The following CELF2 variants were observed in gnomAD, a reference collection of about 807,000 sequenced individuals.
CELF2 encodes the protein CUG triplet repeat RNA-binding protein 2.
Under a neutral mutation model 62.6 loss-of-function variants are expected in CELF2, and 8 were observed. The observed-to-expected ratio is 0.13, with a 90% CI of 0.07 to 0.23. The LOEUF (loss-of-function observed/expected upper bound fraction) is 0.23, where lower values mean the gene tolerates loss of function less well. Among genes scored for constraint, CELF2 ranks in the 10% least tolerant of loss-of-function variants. The pLI, the probability that CELF2 is intolerant of heterozygous loss-of-function variation, is 1.00. For synonymous variants in CELF2, 258 were observed against 250.0 expected, an observed-to-expected ratio of 1.03 and a Z score of -0.30; for missense variants, 333 against 671.0, an observed-to-expected ratio of 0.50 and a Z score of 5.56.
chr10:11,232,392 C>CT (rs1417234629), intron 3 of CELF2, among the ~76,000 whole-genome samples: 1 of 152,176 alleles, frequency 6.6e-6, no homozygotes, highest in Non-Finnish European at 1.5e-5. Context: ...AACTTTGTCT[C>CT]TGAGTCAGAT....
the CELF2 span, among the ~76,000 whole-genome samples, chr10:10,637,023 A>G: frequency 6.6e-6 from 1 of 152,192 alleles, no homozygotes; most frequent in South Asian, 2.1e-4. Flanking sequence ...TTTAGATTTC[A>G]TGGTAATTAT....
chr10:11,044,835 A>T (rs2062527085), intron 1 of CELF2, among the ~76,000 whole-genome samples: 1 of 152,212 alleles, frequency 6.6e-6, no homozygotes, highest in African/African-American at 2.4e-5. Context: ...ATCTTATCTA[A>T]AACATGATAC....
chr10:11,287,248 A>G (rs760414894), intron 8 of CELF2, among the ~76,000 whole-genome samples: 8 of 152,202 alleles, frequency 5.3e-5, no homozygotes, highest in South Asian at 2.1e-4. Context: ...CCATCTTTCT[A>G]TCTTCAGTTC....
the CELF2 span, among the ~76,000 whole-genome samples, chr10:10,606,460 C>T: frequency 6.6e-6 from 1 of 152,044 alleles, no homozygotes; most frequent in East Asian, 1.9e-4. Context: ...TAGTCGAGGA[C>T]TAGCTTTAAA....
chr10:10,541,542 C>T, the CELF2 span, among the ~76,000 whole-genome samples: 9 of 152,116 alleles, frequency 5.9e-5, no homozygotes, highest in African/African-American at 2.2e-4. Context: ...ATAAGTTTTC[C>T]AGGAAAGGGG....
intron 2 of CELF2, among the ~76,000 whole-genome samples, chr10:10,950,238 C>T (rs75717788): frequency 6.6e-6 from 1 of 152,068 alleles, no homozygotes; most frequent in Non-Finnish European, 1.5e-5. Flanking sequence ...TTGCTAGAAC[C>T]CCAGAGGTCA....
At chr10:10,607,959 T>C in the CELF2 span, among the ~76,000 whole-genome samples, 13 of 151,862 alleles carry the variant, frequency 8.6e-5, no homozygotes, top group Admixed American at 6.6e-4. Context: ...AAACTCTGTC[T>C]CTTCTAAAAC....
the CELF2 span, among the ~76,000 whole-genome samples, chr10:10,662,623 C>A: frequency 2.0e-5 from 3 of 152,098 alleles, no homozygotes; most frequent in Admixed American, 6.5e-5. Context: ...GTAAAAGTGA[C>A]CCCCTTCTCC....
At chr10:10,905,030 A>G (rs906645250) in intron 1 of CELF2, among the ~76,000 whole-genome samples, 1 of 152,148 alleles carries the variant, frequency 6.6e-6, no homozygotes, top group Non-Finnish European at 1.5e-5. Flanking sequence ...GCTTGTTTCA[A>G]CTGTTCACAT....
intron 1 of CELF2, among the ~76,000 whole-genome samples, chr10:10,907,372 G>A (rs972639861): frequency 1.3e-5 from 2 of 152,094 alleles, no homozygotes; most frequent in African/African-American, 4.8e-5. Flanking sequence ...GACGTTATAA[G>A]GATGTATAAT....
the CELF2 span, among the ~76,000 whole-genome samples, chr10:10,687,206 TGGA>T: frequency 6.6e-6 from 1 of 152,228 alleles, no homozygotes; most frequent in Non-Finnish European, 1.5e-5. Flanking sequence ...TTGTTTTTAA[TGGA>T]TACTGGTCAC....
At chr10:10,925,758 C>A (rs1026636069) in intron 2 of CELF2, among the ~76,000 whole-genome samples, 2 of 152,086 alleles carry the variant, frequency 1.3e-5, no homozygotes, top group Admixed American at 1.3e-4. Flanking sequence ...CCCTCCAAAC[C>A]GTCTTCTTTC....
the CELF2 span, among the ~76,000 whole-genome samples, chr10:10,660,492 C>T: frequency 1.3e-5 from 2 of 152,188 alleles, no homozygotes; most frequent in Admixed American, 1.3e-4. Flanking sequence ...CTTTTCCTAG[C>T]ACCCCCAGAT....
the CELF2 span, among the ~76,000 whole-genome samples, chr10:10,765,605 T>C: frequency 0.012 from 1,893 of 152,260 alleles, 29 homozygotes; most frequent in African/African-American, 0.037. Flanking sequence ...TTCAAAGTGG[T>C]GGCCAGCCTT....
intron 4 of CELF2, among the ~76,000 whole-genome samples, chr10:11,256,715 G>A (rs1274265118): frequency 6.7e-6 from 1 of 148,594 alleles, no homozygotes; most frequent in African/African-American, 2.5e-5. Flanking sequence ...TCCAAACGCT[G>A]TCCTGAGATC....
At position 11,076,389 on chromosome 10, in the gene CELF2, C is replaced by T. The variant is rs796104003; in HGVS notation, c.74+58226C>T. The stretch of plus-strand genomic sequence containing the variant: ...TGGGGGTGCATTAGCATTGCAAGGA[C>T]GTAGGCTTGATTTGTTATACAGCAA... On this transcript the variant is annotated intron_variant, in intron 1 of 12. Transcript: ENST00000633077. Among the ~76,000 whole-genome samples, 34 of 152,260 alleles carry T rather than the reference C, an allele frequency of 2.2e-4. 1 individual carries two copies. The highest frequency in any genetic ancestry group is 8.2e-4 in the African/African-American group (34 of 41,560).
the CELF2 span, among the ~76,000 whole-genome samples, chr10:10,714,135 A>T: frequency 1.3e-5 from 2 of 152,226 alleles, no homozygotes; most frequent in Non-Finnish European, 2.9e-5. Flanking sequence ...GATGGTGATT[A>T]AAGACATCGC....
intron 2 of CELF2, among the ~76,000 whole-genome samples, chr10:11,186,721 C>T (rs369361352): frequency 2.8e-4 from 42 of 152,212 alleles, no homozygotes; most frequent in African/African-American, 1.0e-3. Flanking sequence ...TTCATTGGAG[C>T]ATTTTGGATC....
At chr10:10,651,350 G>C in the CELF2 span, among the ~76,000 whole-genome samples, 2 of 148,900 alleles carry the variant, frequency 1.3e-5, no homozygotes, top group African/African-American at 4.9e-5. Context: ...GGGGAAGCTC[G>C]AACTGGGTGG....
Sources: gnomAD v4.1 joint callset for allele counts (sites outside exome capture counted in the v4.1 genomes callset) on GRCh38, gnomAD v4.1.1 for gene constraint, MANE v1.5 for transcripts, NCBI Gene and HGNC (gene_info 2026-07-23, HGNC 2026-07-21) for gene names.